The following CDK6 variants were observed in gnomAD, a reference collection of about 807,000 sequenced individuals.
CDK6 encodes the protein cyclin-dependent kinase 6.
A neutral mutation model predicts 37.1 loss-of-function variants in CDK6; 6 were observed. The ratio of observed to expected loss-of-function variants is 0.16; its 90% CI spans 0.09 to 0.32. The LOEUF (loss-of-function observed/expected upper bound fraction) is 0.32. CDK6 is among the 10% of genes least tolerant of loss of function. The pLI is 1.00. For missense variants in CDK6, 224 were observed against 418.9 expected, an observed-to-expected ratio of 0.53 and a Z score of 4.06; for synonymous variants, 160 against 161.3, an observed-to-expected ratio of 0.99 and a Z score of 0.06.
chr7:92,769,239 T>C (rs1243591076), intron 3 of CDK6, among the ~76,000 whole-genome samples: 2 of 152,202 alleles, frequency 1.3e-5, no homozygotes, highest in African/African-American at 2.4e-5. Flanking sequence ...CAATTGAAGA[T>C]AAAATGAAAT....
intron 5 of CDK6, among the ~76,000 whole-genome samples, chr7:92,663,591 C>T (rs1447797682): frequency 6.6e-6 from 1 of 151,894 alleles, no homozygotes; most frequent in East Asian, 1.9e-4. Flanking sequence ...GTCCCAGCTA[C>T]TCAGGAGGCT....
intron 3 of CDK6, among the ~76,000 whole-genome samples, chr7:92,748,032 A>G (rs1046067605): frequency 1.3e-5 from 2 of 152,210 alleles, no homozygotes; most frequent in African/African-American, 4.8e-5. Flanking sequence ...ATACTATATT[A>G]TTCCCAGGGC....
intron 5 of CDK6, among the ~76,000 whole-genome samples, chr7:92,637,321 G>C (rs978752335): frequency 5.9e-5 from 9 of 152,176 alleles, no homozygotes; most frequent in African/African-American, 1.9e-4. Context: ...TGACCAGTTA[G>C]ACTTCTTGAT....
Position 92,613,645 on chromosome 7 carries a change from A to T in CDK6, c.*1495T>A. On this transcript the variant is annotated 3_prime_UTR_variant, in exon 8 of 8. Coordinates refer to ENST00000424848, the MANE Select transcript of CDK6 (RefSeq NM_001145306.2). ...CAGCCTGGGGGATGGAGAAAAGATC[A>T]TTTGATAGAGTAAATGTATGGCCCT... is the stretch of plus-strand genomic sequence containing the variant. 1 of 233,164 alleles carries T rather than the reference A, an allele frequency of 4.3e-6. No homozygotes were observed. Among genetic ancestry groups the T allele is most frequent in the East Asian group, 6.0e-5 (1 of 16,570 alleles). The allele number at this position is 233,164 out of a possible 1,614,324, so 14.4% of individuals were successfully genotyped here.
chr7:92,761,194 T>C (rs1384295269), intron 3 of CDK6, among the ~76,000 whole-genome samples: 3 of 152,170 alleles, frequency 2.0e-5, no homozygotes, highest in Non-Finnish European at 2.9e-5. Flanking sequence ...TCCTTTGCGA[T>C]ATTTTCTACT....
At position 92,775,376 on chromosome 7, in the gene CDK6, C is replaced by T. The variant is rs377657575; in HGVS notation, c.234-545G>A. Among the ~76,000 whole-genome samples, 4 of 152,170 alleles carry T rather than the reference C, an allele frequency of 2.6e-5. No homozygotes were observed. The East Asian group carries it at 5.8e-4, about 22-fold the overall frequency. On this transcript the variant is annotated intron_variant, in intron 2 of 7. Transcript: ENST00000424848. ...TCATCCTGCTGAGTCAAATCATTCC[C>T]TGGAAAGGGCATACATTCTTAGTTT...
chr7:92,616,693 GAAGAGAA>G (rs1795688859), intron 7 of CDK6, among the ~76,000 whole-genome samples: 1 of 152,148 alleles, frequency 6.6e-6, no homozygotes, highest in Non-Finnish European at 1.5e-5. Context: ...ACATAGGAAA[GAAGAGAA>G]AAGAGCTGTG....
Position 92,790,687 on chromosome 7 carries a change from C to T in CDK6, c.234-15856G>A, listed in dbSNP as rs1378522950. 3.3e-5 allele frequency among the ~76,000 whole-genome samples: 5 copies of T among 151,982 alleles called. No homozygotes were observed. The South Asian group carries it at 6.2e-4, about 19-fold the overall frequency. On this transcript the variant is annotated intron_variant, in intron 2 of 7. Coordinates refer to ENST00000424848, the MANE Select transcript of CDK6 (RefSeq NM_001145306.2). ...GTATACACATATACTTATTCAAATCCGCACACACACATACACATACATCTT... is the reference window on the plus strand; with the variant it reads ...GTATACACATATACTTATTCAAATCTGCACACACACATACACATACATCTT...
chr7:92,773,419 C>T (rs777142637), intron 3 of CDK6, among the ~76,000 whole-genome samples: 1 of 152,156 alleles, frequency 6.6e-6, no homozygotes, highest in Non-Finnish European at 1.5e-5. Context: ...GAATGATGAG[C>T]AGTCCAATTT....
rs958652524 is a variant in CDK6, at chr7:92,833,728, TCAGA to T, written c.-367-42_-367-39del. On this transcript the variant is annotated intron_variant, in intron 1 of 7. Transcript: ENST00000424848. The surrounding 1 kb of genome is among the most constrained non-coding windows in gnomAD (Gnocchi z 6.1). ...ACGGGAGGATAAGAAGAAAGTGCAA[TCAGA>T]CAGCCCAGAAGCCTTCCTCGGGGTT... The T allele has an allele frequency of 1.2e-5, 5 of 429,794 alleles. No homozygotes were observed. The highest frequency in any genetic ancestry group is 1.6e-5 in the Non-Finnish European group (4 of 247,088). 26.6% of individuals were successfully genotyped at this position (429,794 alleles called of 1,614,324 possible).
intron 5 of CDK6, among the ~76,000 whole-genome samples, chr7:92,632,298 T>C (rs1187088408): frequency 6.6e-6 from 1 of 152,186 alleles, no homozygotes; most frequent in African/African-American, 2.4e-5. Flanking sequence ...GTCTGTTGGC[T>C]GAAGTGGCTT....
intron 2 of CDK6, among the ~76,000 whole-genome samples, chr7:92,790,529 G>A (rs769548455): frequency 2.0e-5 from 3 of 152,114 alleles, no homozygotes; most frequent in Admixed American, 6.6e-5. Flanking sequence ...TAGATGCTAG[G>A]TATAGAAAAA....
intron 2 of CDK6, among the ~76,000 whole-genome samples, chr7:92,800,891 C>T (rs1410526774): frequency 6.6e-6 from 1 of 152,146 alleles, no homozygotes; most frequent in Non-Finnish European, 1.5e-5. Context: ...AGAAGCAAGC[C>T]TCATTTCTTG....
intron 3 of CDK6, among the ~76,000 whole-genome samples, chr7:92,753,735 C>T (rs3731308): frequency 0.013 from 1,921 of 152,252 alleles, 42 homozygotes; most frequent in African/African-American, 0.045. Flanking sequence ...AAGTTTCCTG[C>T]CTGACATCAT....
intron 4 of CDK6, among the ~76,000 whole-genome samples, chr7:92,718,614 C>A (rs1021065343): frequency 6.6e-6 from 1 of 152,248 alleles, no homozygotes; most frequent in South Asian, 2.1e-4. Context: ...ACCCCAAGCA[C>A]GAATTGCATG....
At chr7:92,755,129 C>T (rs1799280973) in intron 3 of CDK6, among the ~76,000 whole-genome samples, 1 of 152,022 alleles carries the variant, frequency 6.6e-6, no homozygotes, top group African/African-American at 2.4e-5. Flanking sequence ...ATAATAGCTC[C>T]CCTTAATTTA....
At chr7:92,696,364 A>T (rs1320606247) in intron 4 of CDK6, among the ~76,000 whole-genome samples, 1 of 152,218 alleles carries the variant, frequency 6.6e-6, no homozygotes, top group Non-Finnish European at 1.5e-5. Flanking sequence ...CCGTTATGAA[A>T]TCAAAGCTGA....
intron 5 of CDK6, among the ~76,000 whole-genome samples, chr7:92,646,467 G>A (rs374479147): frequency 1.3e-5 from 2 of 149,930 alleles, no homozygotes; most frequent in African/African-American, 2.5e-5. Context: ...GCGCGATCTC[G>A]GCTCACTGCA....
At chr7:92,641,945 G>C (rs935179114) in intron 5 of CDK6, among the ~76,000 whole-genome samples, 1 of 152,202 alleles carries the variant, frequency 6.6e-6, no homozygotes, top group African/African-American at 2.4e-5. Context: ...AAATGTCTCT[G>C]TCTTGCCCCT....
Sources: gnomAD v4.1 joint callset for allele counts (sites outside exome capture counted in the v4.1 genomes callset) on GRCh38, gnomAD v4.1.1 for gene constraint, Gnocchi (gnomAD v3.1) non-coding constraint, MANE v1.5 for transcripts, NCBI Gene and HGNC (gene_info 2026-07-23, HGNC 2026-07-21) for gene names.